Variants in MVD observed in about 807,000 individuals in gnomAD.
MVD encodes the protein mevalonate diphosphate decarboxylase.
Under a neutral mutation model 42.4 loss-of-function variants are expected in MVD, and 52 were observed. That is an observed-to-expected ratio of 1.23 (90% CI 0.98 to 1.55). MVD has a LOEUF of 1.55. MVD is among the 40% of genes most tolerant of loss of function. MVD has a pLI of 0.00. For synonymous variants in MVD, 287 were observed against 243.2 expected (o/e 1.18, Z -1.68); for missense variants, 663 against 572.1 (o/e 1.16, Z -1.62).
intron 1 of MVD, chr16:88,662,293 A>T (rs1421796522): frequency 6.4e-6 from 1 of 157,204 alleles, no homozygotes; most frequent in Admixed American, 6.5e-5. Context: ...AAGCACTGAT[A>T]CAATCCCGGG....
At chr16:88,662,948 G>C (rs1215733726) in intron 1 of MVD, 63 bp downstream of exon 1, 2 of 1,554,216 alleles carry the variant, frequency 1.3e-6, no homozygotes, top group African/African-American at 2.8e-5. Context: ...ATCAGCGCGC[G>C]ACCCCCGCGT....
chr16:88,653,297 C>T lies in MVD; in HGVS notation c.1122+3G>A, dbSNP rs769818452. The T allele has an allele frequency of 6.3e-7, 1 of 1,597,792 alleles. No homozygotes were observed. Among genetic ancestry groups the T allele is most frequent in the Non-Finnish European group, 8.5e-7 (1 of 1,174,690 alleles). On this transcript the variant is annotated splice_donor_region_variant and intron_variant, in intron 9 of 9. Coordinates refer to ENST00000301012, the MANE Select transcript of MVD (RefSeq NM_002461.3). ...GGGGTACTGGGTGAGCCCCAGGCCT[C>T]ACCTGAGTGACAATGATGTATTTGA...
intron 4 of MVD, chr16:88,656,578 A>T (rs1907944284): frequency 1.8e-6 from 1 of 550,742 alleles, no homozygotes; most frequent in Middle Eastern, 4.8e-4. Flanking sequence ...CAGAGCAGGA[A>T]GCCCCATGGA....
chr16:88,656,445 A>C, intron 4 of MVD, 141 bp from the exon 5 acceptor site: 1 of 879,046 alleles, frequency 1.1e-6, no homozygotes, highest in Non-Finnish European at 1.7e-6. Context: ...TCAGCCTTTG[A>C]GGCCAGCATT....
chr16:88,654,720 C>T lies in MVD; in HGVS notation c.985G>A (p.Gly329Ser), dbSNP rs188551104. The T allele has an allele frequency of 9.4e-5, 150 of 1,599,740 alleles. 2 individuals are homozygous for T. The East Asian group carries it at 2.4e-3, about 26-fold the overall frequency. ...VAEFVAAVWH[G>S]FPPGSNGDTF... ...TCTCCATTCGAGCCTGGGGGAAAGC[C>T]GTGCCACACAGCAGCCACAAACTCA... Residue 329 changes from glycine to serine, a missense_variant, in exon 8 of 10, where the codon GGC (glycine) becomes AGC (serine). Transcript: ENST00000301012.
intron 1 of MVD, 40 bp from the exon 2 acceptor site, chr16:88,658,760 G>GCCCC: frequency 6.9e-7 from 1 of 1,440,616 alleles, no homozygotes; most frequent in Non-Finnish European, 9.3e-7. Flanking sequence ...GGGCTTCCCG[G>GCCCC]CCCACCCTCC....
At chr16:88,660,987 C>T (rs1185896852) in intron 1 of MVD, 1 of 104,546 alleles carries the variant, frequency 9.6e-6, no homozygotes, top group Non-Finnish European at 1.7e-5. Flanking sequence ...GCCTGGGTGA[C>T]AGAGCAAGAC....
In MVD at chr16:88,662,994, C is replaced by T. The variant is rs369717980; in HGVS notation, c.70+17G>A. ...GCTCCCGGCCATCCCCGTCCCAGGC[C>T]GGCCCGCGGCACTCACAGTACTTGA... On this transcript the variant is annotated intron_variant, in intron 1 of 9. Coordinates refer to ENST00000301012, the MANE Select transcript of MVD (RefSeq NM_002461.3). 1.9e-6 allele frequency: 3 copies of T among 1,591,664 alleles called. No individual in the cohort carries two copies. Among genetic ancestry groups the T allele is most frequent in the African/African-American group, 1.4e-5 (1 of 73,934 alleles).
chr16:88,657,406 G>A (rs200980674), intron 4 of MVD, 30 bp downstream of exon 4: 31 of 1,568,484 alleles, frequency 2.0e-5, no homozygotes, highest in Non-Finnish European at 2.6e-5. Context: ...CCACAGCCCA[G>A]AACCCCTGCG....
rs1197417364 is a variant in MVD at position 88,652,299 on chromosome 16, C to G, written c.*226G>C. ...ATACCCCCTCCCCATCCCATCTTGG[C>G]AAAGCGCTGGTGCAGCTTAGGGCAG... is the stretch of plus-strand genomic sequence containing the variant. On this transcript the variant is annotated 3_prime_UTR_variant, in exon 10 of 10. Coordinates refer to ENST00000301012, the MANE Select transcript of MVD (RefSeq NM_002461.3). 1.6e-6 allele frequency: 1 copy of G among 606,650 alleles called. No individual in the cohort carries two copies. The highest frequency in any genetic ancestry group is 1.8e-5 in the African/African-American group (1 of 54,236). 37.6% of individuals were successfully genotyped at this position (606,650 alleles called of 1,614,324 possible).
intron 7 of MVD, 123 bp from the exon 8 acceptor site, chr16:88,654,930 C>T: frequency 4.9e-6 from 5 of 1,013,692 alleles, no homozygotes; most frequent in Non-Finnish European, 7.1e-6. Flanking sequence ...CAGGGCCACA[C>T]TGGAGTGGAG....
chr16:88,653,186 T>G, intron 9 of MVD, 114 bp downstream of exon 9: 6 of 786,050 alleles, frequency 7.6e-6, no homozygotes, highest in Non-Finnish European at 1.0e-5. Context: ...GCTTCCTGCC[T>G]GAGACACGGT....
At chr16:88,655,446 G>C in intron 6 of MVD, 29 bp from the exon 7 acceptor site, 1 of 1,546,164 alleles carries the variant, frequency 6.5e-7, no homozygotes, top group African/African-American at 1.4e-5. Context: ...TTCCCATGGA[G>C]CCGCTGGGGG....
intron 4 of MVD, 85 bp from the exon 5 acceptor site, chr16:88,656,389 AC>A (rs1290525837): frequency 1.1e-5 from 16 of 1,409,566 alleles, no homozygotes; most frequent in Non-Finnish European, 1.6e-5. Context: ...AACGTCCCAC[AC>A]CCCACGGCAA....
At chr16:88,662,718 TG>T in intron 1 of MVD, 1 of 1,427,954 alleles carries the variant, frequency 7.0e-7, no homozygotes, top group Non-Finnish European at 9.2e-7. Context: ...TTACGATTCA[TG>T]GGAATCGATG....
chr16:88,658,571 C>T, intron 2 of MVD, 79 bp downstream of exon 2: 1 of 1,425,420 alleles, frequency 7.0e-7, no homozygotes, highest in Non-Finnish European at 9.8e-7. Context: ...ATGTGAGCCA[C>T]CATACCCAAC....
intron 1 of MVD, among the ~76,000 whole-genome samples, chr16:88,661,319 G>A (rs1908275285): frequency 6.6e-6 from 1 of 152,156 alleles, no homozygotes; most frequent in African/African-American, 2.4e-5. Flanking sequence ...AGGACAAAAA[G>A]ATTAGCTAGT....
rs540708447 is a variant in MVD, at chr16:88,657,595, T to G, written c.257-13A>C. ...GCCAGGCAGCGGACTGCAGAGACAA[T>G]GAGACAGCGTGTGGCCCAGCCGTCA... On this transcript the variant is annotated splice_polypyrimidine_tract_variant and intron_variant, in intron 3 of 9. Coordinates refer to ENST00000301012, the MANE Select transcript of MVD (RefSeq NM_002461.3). 2.4e-5 allele frequency: 38 copies of G among 1,609,278 alleles called. No homozygotes were observed. The East Asian group carries it at 8.5e-4, about 36-fold the overall frequency.
At position 88,653,310 on chromosome 16, in the gene MVD, A is replaced by G. The variant is rs546761521; in HGVS notation, c.1112T>C (p.Ile371Thr). The G allele has an allele frequency of 6.3e-6, 10 of 1,598,276 alleles. No homozygotes were observed. The South Asian group carries it at 6.7e-5, about 11-fold the overall frequency. Residue 371 changes from isoleucine to threonine, a missense_variant, in exon 9 of 10, where the codon ATT (isoleucine) becomes ACT (threonine). Physicochemically the swap from Ile to Thr is moderately conservative, Grantham distance 89. Coordinates refer to ENST00000301012, the MANE Select transcript of MVD (RefSeq NM_002461.3). ...EPTPGGVKYI[I>T]VTQVGPGPQI... ...AGCCCCAGGCCTCACCTGAGTGACA[A>G]TGATGTATTTGACCCCACCGGGGGT...
Sources: gnomAD v4.1 joint callset for allele counts (sites outside exome capture counted in the v4.1 genomes callset) on GRCh38, gnomAD v4.1.1 for gene constraint, MANE v1.5 for transcripts, NCBI Gene and HGNC (gene_info 2026-07-23, HGNC 2026-07-21) for gene names.